Variants in DLG5 observed in about 807,000 individuals in gnomAD.
DLG5 encodes disks large homolog 5.
Under a neutral mutation model 189.8 loss-of-function variants are expected in DLG5, and 48 were observed. The observed-to-expected ratio is 0.25, with a 90% confidence interval of 0.20 to 0.32. The LOEUF (loss-of-function observed/expected upper bound fraction) is 0.32, where lower values mean the gene tolerates loss of function less well. Among genes scored for constraint, DLG5 ranks in the 10% least tolerant of loss-of-function variants. The pLI, the probability that DLG5 is intolerant of heterozygous loss-of-function variation, is 1.00. For synonymous variants in DLG5, 1,016 were observed against 1,054.1 expected (o/e 0.96, Z 0.70); for missense variants, 2,160 against 2,544.7 (o/e 0.85, Z 3.25).
intron 26 of DLG5, 104 bp downstream of exon 26, chr10:77,806,654 C>T: frequency 7.0e-7 from 1 of 1,428,410 alleles, no homozygotes; most frequent in South Asian, 1.3e-5. Context: ...CAGAATCCCT[C>T]CTCCAGCAGC....
At chr10:77,832,777 T>G (rs1368330640) in intron 9 of DLG5, among the ~76,000 whole-genome samples, 1 of 152,198 alleles carries the variant, frequency 6.6e-6, no homozygotes, top group Non-Finnish European at 1.5e-5. Flanking sequence ...CGGCCAGAGA[T>G]TCTAGGCTTT....
chr10:77,856,678 G>A, intron 3 of DLG5, 52 bp downstream of exon 3: 1 of 1,588,848 alleles, frequency 6.3e-7, no homozygotes, highest in Non-Finnish European at 8.6e-7. Context: ...CCAGCATCGG[G>A]GTAGTAATCC....
At chr10:77,815,085 C>T (rs577944910) in intron 20 of DLG5, among the ~76,000 whole-genome samples, 2 of 152,144 alleles carry the variant, frequency 1.3e-5, no homozygotes, top group East Asian at 3.9e-4. Flanking sequence ...CTGTGGGGAG[C>T]TAAGGGAATG....
intron 13 of DLG5, among the ~76,000 whole-genome samples, chr10:77,827,387 G>A (rs534427959): frequency 2.6e-4 from 39 of 152,082 alleles, no homozygotes; most frequent in African/African-American, 9.2e-4. Context: ...CACCAAGCCC[G>A]GCTAATTTTT....
At chr10:77,799,983 C>T (rs781384458) in intron 27 of DLG5, among the ~76,000 whole-genome samples, 2 of 152,082 alleles carry the variant, frequency 1.3e-5, no homozygotes, top group African/African-American at 4.8e-5. Flanking sequence ...ATTCCTGAGA[C>T]ACTCCCGCAC....
At chr10:77,908,679 C>T (rs925820409) in intron 1 of DLG5, among the ~76,000 whole-genome samples, 2 of 152,176 alleles carry the variant, frequency 1.3e-5, no homozygotes, top group Middle Eastern at 3.2e-3. Flanking sequence ...GCTCACCATA[C>T]ACCCTCCTTC....
intron 20 of DLG5, among the ~76,000 whole-genome samples, chr10:77,814,754 T>A (rs1841970550): frequency 6.6e-6 from 1 of 151,838 alleles, no homozygotes; most frequent in South Asian, 2.1e-4. Context: ...TTTGTATTTT[T>A]AGTAGAGACG....
At chr10:77,913,690 C>G (rs772126928) in intron 1 of DLG5, among the ~76,000 whole-genome samples, 36 of 152,226 alleles carry the variant, frequency 2.4e-4, no homozygotes, top group Admixed American at 2.0e-3. Context: ...TTGGGCTCAA[C>G]CAATCCTCCC....
chr10:77,840,846 C>T (rs1009777846), intron 7 of DLG5, among the ~76,000 whole-genome samples: 2 of 152,178 alleles, frequency 1.3e-5, no homozygotes, highest in East Asian at 1.9e-4. Context: ...CCAGGCCTGA[C>T]GAGGAGTTGC....
chr10:77,883,266 G>A (rs1189477698), intron 1 of DLG5, among the ~76,000 whole-genome samples: 3 of 152,156 alleles, frequency 2.0e-5, no homozygotes, highest in African/African-American at 7.2e-5. Flanking sequence ...GGTAGGGAGA[G>A]GGCCCAAGAC....
At chr10:77,814,460 T>TA (rs1351836823) in intron 20 of DLG5, among the ~76,000 whole-genome samples, 17 of 99,046 alleles carry the variant, frequency 1.7e-4, no homozygotes, top group Admixed American at 3.8e-4. Flanking sequence ...ATAAAGCATG[T>TA]TTATATATAT....
chr10:77,873,013 A>ATG (rs112644933), intron 1 of DLG5, among the ~76,000 whole-genome samples: 76,681 of 124,402 alleles, frequency 0.62, 22,341 homozygotes, highest in Admixed American at 0.71. Context: ...CAGCCTCCTG[A>ATG]TGTGTGTGTG....
intron 10 of DLG5, 22 bp from the exon 11 acceptor site, chr10:77,830,366 CAACGCATTTCACAA>C: frequency 6.2e-7 from 1 of 1,614,062 alleles, no homozygotes; most frequent in Non-Finnish European, 8.5e-7. Context: ...GCAGCAACAG[CAACGCATTTCACAA>C]AGCAGTGACA....
intron 1 of DLG5, among the ~76,000 whole-genome samples, chr10:77,871,373 A>C (rs1472796241): frequency 1.3e-5 from 2 of 152,002 alleles, no homozygotes; most frequent in African/African-American, 2.4e-5. Context: ...CTGAAGGGAG[A>C]TGAAACCAGA....
At chr10:77,811,265 C>A in intron 22 of DLG5, 31 bp from the exon 23 acceptor site, 1 of 1,598,962 alleles carries the variant, frequency 6.3e-7, no homozygotes, top group Non-Finnish European at 8.5e-7. Flanking sequence ...GGATAAGGAG[C>A]AGTACGAAGC....
intron 1 of DLG5, among the ~76,000 whole-genome samples, chr10:77,898,143 A>G (rs1845819363): frequency 6.6e-6 from 1 of 152,212 alleles, no homozygotes; most frequent in South Asian, 2.1e-4. Context: ...CCATCAGCGC[A>G]GGTGACCAAG....
chr10:77,885,991 C>CT (rs1465481359), intron 1 of DLG5, among the ~76,000 whole-genome samples: 3 of 152,224 alleles, frequency 2.0e-5, no homozygotes, highest in African/African-American at 7.2e-5. Context: ...CCCAGATAAG[C>CT]ACCTGGACAC....
intron 5 of DLG5, among the ~76,000 whole-genome samples, chr10:77,844,929 G>T (rs190145674): frequency 8.1e-4 from 123 of 152,270 alleles, no homozygotes; most frequent in Middle Eastern, 6.8e-3. Context: ...GAGACAGAGA[G>T]GGGCAAGGCG....
At chr10:77,848,376 TAA>T (rs752796472) in intron 5 of DLG5, among the ~76,000 whole-genome samples, 6 of 152,066 alleles carry the variant, frequency 3.9e-5, no homozygotes, top group South Asian at 2.1e-4. Context: ...AAGTATATTT[TAA>T]AGACAGGGGA....
Sources: gnomAD v4.1 joint callset for allele counts (sites outside exome capture counted in the v4.1 genomes callset) on GRCh38, gnomAD v4.1.1 for gene constraint, MANE v1.5 for transcripts, NCBI Gene and HGNC (gene_info 2026-07-23, HGNC 2026-07-21) for gene names.